Variants in PPM1G observed in about 807,000 individuals in gnomAD.
PPM1G encodes the protein protein phosphatase, Mg2+/Mn2+ dependent 1G, also known as protein phosphatase 1G.
In PPM1G, 12 loss-of-function variants were observed where a neutral mutation model predicts 59.4. The ratio of observed to expected loss-of-function variants is 0.20; its 90% confidence interval spans 0.13 to 0.33. The LOEUF (loss-of-function observed/expected upper bound fraction) is 0.33, where lower values mean the gene tolerates loss of function less well. Ranked by LOEUF, PPM1G falls within the 10% of genes least tolerant of loss-of-function variation. The probability of loss-of-function intolerance (pLI) is 1.00; values close to 1 mark genes in which losing one functional copy is unlikely to be tolerated. For missense variants in PPM1G, 392 were observed against 681.3 expected, an observed-to-expected ratio of 0.58 and a Z score of 4.73; for synonymous variants, 245 against 251.9, an observed-to-expected ratio of 0.97 and a Z score of 0.26.
chr2:27,392,611 T>TGGGGGGGG (rs35793123), intron 1 of PPM1G, among the ~76,000 whole-genome samples: 1 of 102,778 alleles, frequency 9.7e-6, no homozygotes, highest in African/African-American at 3.8e-5. Flanking sequence ...ATTTTTTTTT[T>TGGGGGGGG]GGGGGGGGGG....
intron 1 of PPM1G, among the ~76,000 whole-genome samples, chr2:27,396,540 C>T (rs561947875): frequency 2.6e-5 from 4 of 151,356 alleles, no homozygotes; most frequent in East Asian, 2.0e-4. Context: ...TAAGGCCGGG[C>T]GTGGTGGCTC....
chr2:27,394,601 C>T (rs1257354717), intron 1 of PPM1G, among the ~76,000 whole-genome samples: 3 of 151,966 alleles, frequency 2.0e-5, no homozygotes, highest in Middle Eastern at 6.8e-3. Context: ...AGTGGTGGCA[C>T]GCGCCTGTAG....
chr2:27,405,578 G>C (rs1002734646), intron 1 of PPM1G, among the ~76,000 whole-genome samples: 6 of 150,684 alleles, frequency 4.0e-5, no homozygotes, highest in Non-Finnish European at 8.9e-5. Flanking sequence ...TGTATTTTCA[G>C]TAGAGACGGG....
Position 27,385,971 on chromosome 2 carries a change from G to T in PPM1G, c.277-92C>A. 1 of 1,453,880 alleles carries T rather than the reference G, an allele frequency of 6.9e-7. No individual in the cohort carries two copies. Among genetic ancestry groups the T allele is most frequent in the African/African-American group, 1.4e-5 (1 of 70,416 alleles). 90.1% of individuals were successfully genotyped at this position (1,453,880 alleles called of 1,614,324 possible). A position where few individuals can be genotyped will look rare whatever the true frequency, so the allele number is the denominator to read the frequency against. ...AGGATGGAATACAAATTAAGAGTGT[G>T]AGCCACCACACTAAGAGACACTCAC... On this transcript the variant is annotated intron_variant, in intron 3 of 9. Coordinates refer to ENST00000344034, the MANE Select transcript of PPM1G (RefSeq NM_177983.3). This position sits in a 1 kb window ranked among gnomAD's most constrained non-coding sequence, Gnocchi z 4.1.
chr2:27,385,629 T>C lies in PPM1G; in HGVS notation c.409+118A>G. 1.5e-6 allele frequency: 2 copies of C among 1,336,330 alleles called. No homozygotes were observed. The highest frequency in any genetic ancestry group is 2.0e-6 in the Non-Finnish European group (2 of 988,486). 82.8% of individuals were successfully genotyped at this position (1,336,330 alleles called of 1,614,324 possible). Reference sequence around the variant, plus strand: ...ATGCAGGAGAACATCATAGGTTTCTTTAACATAAGGACTCCCCAGGTCCCT... The same window carrying C: ...ATGCAGGAGAACATCATAGGTTTCTCTAACATAAGGACTCCCCAGGTCCCT... On this transcript the variant is annotated intron_variant, in intron 4 of 9. Transcript: ENST00000344034. The surrounding 1 kb of genome is among the most constrained non-coding windows in gnomAD (Gnocchi z 4.1).
rs1683656732 is a variant in PPM1G, at chr2:27,382,444, AGG to A, written c.1331+30_1331+31del. The A allele has an allele frequency of 6.2e-7, 1 of 1,612,932 alleles. No homozygotes were observed. The highest frequency in any genetic ancestry group is 8.5e-7 in the Non-Finnish European group (1 of 1,179,554). Reference sequence around the variant, plus strand: ...CTATAAGAGAAGACATGCTGCAGAAAGGGGAATTTAGGGCATTCTGCCAGTGC... The same window carrying A: ...CTATAAGAGAAGACATGCTGCAGAAAGGAATTTAGGGCATTCTGCCAGTGC... On this transcript the variant is annotated intron_variant, in intron 8 of 9. Transcript: ENST00000344034. This position sits in a 1 kb window ranked among gnomAD's most constrained non-coding sequence, Gnocchi z 4.2.
chr2:27,387,877 C>T (rs1029764507), intron 1 of PPM1G, among the ~76,000 whole-genome samples: 3 of 152,096 alleles, frequency 2.0e-5, no homozygotes, highest in Admixed American at 6.5e-5. Flanking sequence ...CTGCTCACTG[C>T]AAGCTTCGCC....
chr2:27,391,781 G>C (rs1683912029), intron 1 of PPM1G, among the ~76,000 whole-genome samples: 1 of 150,698 alleles, frequency 6.6e-6, no homozygotes, highest in South Asian at 2.1e-4. Context: ...TGCCAGGGTG[G>C]AGTGCAGTGG....
In PPM1G at chr2:27,381,564, A is replaced by G. The variant is rs750746567; in HGVS notation, c.*35T>C. 6.8e-6 allele frequency: 11 copies of G among 1,612,830 alleles called. No individual in the cohort carries two copies. The South Asian group carries it at 8.8e-5, about 13-fold the overall frequency. ...TCAGTCTCAGGTCCGGAGGGCTCAG[A>G]AAACAGTCTAGGTGGGCAGGGGTCT... On this transcript the variant is annotated 3_prime_UTR_variant, in exon 10 of 10. Transcript: ENST00000344034.
chr2:27,381,258 TGCA>T lies in PPM1G; in HGVS notation c.*338_*340del. ...TTGAAAGTGTACAACAGAGAGCGGG[TGCA>T]AGCGGCCGAGGGCCATGGAGCCGCC... On this transcript the variant is annotated 3_prime_UTR_variant, in exon 10 of 10. Coordinates refer to ENST00000344034, the MANE Select transcript of PPM1G (RefSeq NM_177983.3). 2.6e-6 allele frequency: 1 copy of T among 387,898 alleles called. No individual in the cohort carries two copies. 24.0% of individuals were successfully genotyped at this position (387,898 alleles called of 1,614,324 possible).
At chr2:27,390,840 A>T (rs1418629739) in intron 1 of PPM1G, among the ~76,000 whole-genome samples, 2 of 65,752 alleles carry the variant, frequency 3.0e-5, no homozygotes, top group Admixed American at 2.0e-4. Context: ...CCGCACCACC[A>T]CCTCTAGTAG....
At chr2:27,392,502 C>A (rs1304435012) in intron 1 of PPM1G, among the ~76,000 whole-genome samples, 7 of 150,838 alleles carry the variant, frequency 4.6e-5, no homozygotes, top group Non-Finnish European at 8.8e-5. Context: ...ACCATGTTGC[C>A]CAGGCTGGTC....
At chr2:27,405,974 G>T (rs1663352862) in intron 1 of PPM1G, among the ~76,000 whole-genome samples, 1 of 152,176 alleles carries the variant, frequency 6.6e-6, no homozygotes, top group African/African-American at 2.4e-5. Context: ...TTGTACTCCA[G>T]CCTGGGCAAC....
Position 27,409,508 on chromosome 2 carries a change from G to A in PPM1G, c.-86C>T. On this transcript the variant is annotated 5_prime_UTR_variant, in exon 1 of 10. Transcript: ENST00000344034. ...GAAGCCCCGGGGGTGCGCGCGGCAG[G>A]AGCAGGCCCCGCGGCGCGACCGACG... 7.4e-7 allele frequency: 1 copy of A among 1,343,852 alleles called. No homozygotes were observed. The highest frequency in any genetic ancestry group is 9.5e-7 in the Non-Finnish European group (1 of 1,049,204). 83.2% of individuals were successfully genotyped at this position (1,343,852 alleles called of 1,614,324 possible).
chr2:27,409,346 G>A lies in PPM1G; in HGVS notation c.77C>T (p.Pro26Leu). 6.5e-7 allele frequency: 1 copy of A among 1,543,356 alleles called. No homozygotes were observed. The highest frequency in any genetic ancestry group is 8.7e-7 in the Non-Finnish European group (1 of 1,144,254). Residue 26 changes from proline (P) to leucine (L), a missense_variant, in exon 1 of 10, where the codon CCC becomes CTC. Physicochemically the swap from Pro to Leu is moderately conservative, Grantham distance 98. Coordinates refer to ENST00000344034, the MANE Select transcript of PPM1G (RefSeq NM_177983.3). ...DGVGAPRLPL[P>L]YGFSAMQGWR... Reference sequence around the variant, plus strand: ...GCCTTGCATGGCGGAGAAGCCGTAGGGCAGCGGCAGGCGCGGGGCGCCGAC... The same window carrying A: ...GCCTTGCATGGCGGAGAAGCCGTAGAGCAGCGGCAGGCGCGGGGCGCCGAC...
At position 27,383,816 on chromosome 2, in the gene PPM1G, C is replaced by A; in HGVS notation, c.966+136G>T. On this transcript the variant is annotated intron_variant, in intron 6 of 9. Coordinates refer to ENST00000344034, the MANE Select transcript of PPM1G (RefSeq NM_177983.3). The surrounding 1 kb of genome is among the most constrained non-coding windows in gnomAD (Gnocchi z 5.0). ...CCCCAAAGGCTTACCATCTCATTCC[C>A]CTTGCAGAATAAATCCCCATGACTA... 1 of 1,363,412 alleles carries A rather than the reference C, an allele frequency of 7.3e-7. No homozygotes were observed. Among genetic ancestry groups the A allele is most frequent in the Non-Finnish European group, 9.9e-7 (1 of 1,006,952 alleles). 84.5% of individuals were successfully genotyped at this position (1,363,412 alleles called of 1,614,324 possible).
Position 27,409,208 on chromosome 2 carries a change from G to C in PPM1G, c.120+95C>G, listed in dbSNP as rs181961549. The stretch of plus-strand genomic sequence containing the variant: ...CCGCTGCGGCCGCAGGCTCCCAATT[G>C]GGACCCTTCCCAGGGGAGGACCCCA... On this transcript the variant is annotated intron_variant, in intron 1 of 9. Coordinates refer to ENST00000344034, the MANE Select transcript of PPM1G (RefSeq NM_177983.3). 12,410 of 1,447,114 alleles carry C rather than the reference G, an allele frequency of 8.6e-3. 99 individuals are homozygous for C. Among genetic ancestry groups the C allele is most frequent in the South Asian group, 0.021 (1,570 of 75,682 alleles). The allele number at this position is 1,447,114 out of a possible 1,614,324, so 89.6% of individuals were successfully genotyped here.
chr2:27,384,782 G>A lies in PPM1G; in HGVS notation c.716C>T (p.Pro239Leu), dbSNP rs1053339381. 1.9e-6 allele frequency: 3 copies of A among 1,614,100 alleles called. No individual in the cohort carries two copies. The highest frequency in any genetic ancestry group is 2.5e-6 in the Non-Finnish European group (3 of 1,180,050). Residue 239 changes from proline to leucine, a missense_variant, in exon 5 of 10, where the codon CCT becomes CTT. Transcript: ENST00000344034. This position sits in a 1 kb window ranked among gnomAD's most constrained non-coding sequence, Gnocchi z 4.8. ...CTTGTCAGAGGCTGAAGAGCAGGAA[G>A]GCCCAGCCTCACCAGTGGGAATGCC... ...EPGIPTGEAG[P>L]SCSSASDKLP...
Position 27,396,223 on chromosome 2 carries a change from G to T in PPM1G, c.121-9065C>A, listed in dbSNP as rs140195608. Among the ~76,000 whole-genome samples, 1,403 of 151,928 alleles carry T rather than the reference G, an allele frequency of 9.2e-3. 16 individuals are homozygous for T. Among genetic ancestry groups the T allele is most frequent in the African/African-American group, 0.032 (1,345 of 41,458 alleles). Reference sequence around the variant, plus strand: ...GGAGGTGGAGGTTGCAGTGAGCAGAGATGGTGCCACTGCACTCCAGCCTGG... The same window carrying T: ...GGAGGTGGAGGTTGCAGTGAGCAGATATGGTGCCACTGCACTCCAGCCTGG... On this transcript the variant is annotated intron_variant, in intron 1 of 9. Coordinates refer to ENST00000344034, the MANE Select transcript of PPM1G (RefSeq NM_177983.3).
Sources: gnomAD v4.1 joint callset for allele counts (sites outside exome capture counted in the v4.1 genomes callset) on GRCh38, gnomAD v4.1.1 for gene constraint, Gnocchi (gnomAD v3.1) non-coding constraint, MANE v1.5 for transcripts, NCBI Gene and HGNC (gene_info 2026-07-23, HGNC 2026-07-21) for gene names.